SEMA3C: variants seen among roughly 807,000 people sequenced by gnomAD.
SEMA3C encodes the protein semaphorin-3C.
In SEMA3C, 47 loss-of-function variants were observed where a neutral mutation model predicts 89.4. The observed-to-expected ratio is 0.53, with a 90% CI of 0.42 to 0.67. SEMA3C has a LOEUF of 0.67. Among genes scored for constraint, SEMA3C ranks in the 30% least tolerant of loss-of-function variants. The pLI, the probability that SEMA3C is intolerant of heterozygous loss-of-function variation, is 0.00. For synonymous variants in SEMA3C, 310 were observed against 320.2 expected, an observed-to-expected ratio of 0.97 and a Z score of 0.34; for missense variants, 839 against 929.1, an observed-to-expected ratio of 0.90 and a Z score of 1.26.
chr7:80,807,421 C>A (rs1789367975), intron 6 of SEMA3C, among the ~76,000 whole-genome samples: 1 of 152,174 alleles, frequency 6.6e-6, no homozygotes, highest in Admixed American at 6.5e-5. Flanking sequence ...CATTTCCTAT[C>A]TTAAATTCGC....
chr7:80,896,373 G>A (rs1037902069), intron 2 of SEMA3C, among the ~76,000 whole-genome samples: 6 of 152,152 alleles, frequency 3.9e-5, no homozygotes, highest in Non-Finnish European at 8.8e-5. Context: ...AACTCTAGGA[G>A]TCCTTTCTCA....
intron 2 of SEMA3C, among the ~76,000 whole-genome samples, chr7:80,863,686 TAC>T (rs1248108817): frequency 1.3e-5 from 2 of 149,312 alleles, no homozygotes; most frequent in East Asian, 2.0e-4. Flanking sequence ...CACATATATA[TAC>T]ACACACATAT....
At chr7:80,851,501 CT>C (rs1296492057) in intron 2 of SEMA3C, among the ~76,000 whole-genome samples, 4 of 35,078 alleles carry the variant, frequency 1.1e-4, no homozygotes, top group Non-Finnish European at 2.0e-4. Flanking sequence ...AGACTCTTGT[CT>C]TTAAAAAAAA....
At chr7:80,773,153 T>C (rs1788471921) in intron 12 of SEMA3C, among the ~76,000 whole-genome samples, 2 of 152,160 alleles carry the variant, frequency 1.3e-5, no homozygotes, top group African/African-American at 2.4e-5. Flanking sequence ...GTTACAATTT[T>C]TTTTCTATTT....
intron 2 of SEMA3C, among the ~76,000 whole-genome samples, chr7:80,891,522 TAAC>T (rs1791613309): frequency 1.3e-5 from 2 of 151,150 alleles, no homozygotes; most frequent in Admixed American, 1.3e-4. Context: ...ATCAGAATGG[TAAC>T]AAAAAAAAAA....
At chr7:80,749,073 C>T (rs564822303) in intron 16 of SEMA3C, 45 bp from the exon 17 acceptor site, 2 of 1,547,516 alleles carry the variant, frequency 1.3e-6, no homozygotes, top group East Asian at 2.3e-5. Flanking sequence ...AAGAACACAA[C>T]TGAATTTAGA....
intron 2 of SEMA3C, among the ~76,000 whole-genome samples, chr7:80,892,471 G>A (rs1330100149): frequency 1.3e-5 from 2 of 151,716 alleles, no homozygotes; most frequent in South Asian, 2.1e-4. Flanking sequence ...TATATTGTCT[G>A]TAAAATGAAA....
At chr7:80,886,199 C>T (rs183318797) in intron 2 of SEMA3C, among the ~76,000 whole-genome samples, 101 of 151,742 alleles carry the variant, frequency 6.7e-4, no homozygotes, top group African/African-American at 2.3e-3. Context: ...CATATCAAGT[C>T]TACCTTTTTT....
rs767408064 is a variant in SEMA3C at position 80,803,485 on chromosome 7, A to AT, written c.801+620dup. On this transcript the variant is annotated intron_variant, in intron 8 of 17. Transcript: ENST00000265361. ...TTAAACACTAAGCACTTTAAGAAAC[A>AT]TTTTTTCACAAAGGATGCTAATCAT... Among the ~76,000 whole-genome samples, 21 of 152,238 alleles carry AT rather than the reference A, an allele frequency of 1.4e-4. No individual in the cohort carries two copies. The East Asian group carries it at 3.9e-3, about 28-fold the overall frequency.
At chr7:80,836,960 T>C (rs752495459) in intron 2 of SEMA3C, among the ~76,000 whole-genome samples, 4 of 152,186 alleles carry the variant, frequency 2.6e-5, no homozygotes, top group African/African-American at 4.8e-5. Flanking sequence ...TTACCTTGAA[T>C]GGTTTTCTAT....
intron 12 of SEMA3C, among the ~76,000 whole-genome samples, chr7:80,776,054 A>C (rs1788542338): frequency 6.6e-6 from 1 of 152,144 alleles, no homozygotes; most frequent in South Asian, 2.1e-4. Flanking sequence ...TTACTTTACT[A>C]AATCAGGATA....
intron 2 of SEMA3C, among the ~76,000 whole-genome samples, chr7:80,914,755 A>C (rs907695187): frequency 3.3e-5 from 5 of 152,190 alleles, no homozygotes; most frequent in Admixed American, 3.3e-4. Context: ...GTTACAAATC[A>C]AGGCAAGTCT....
chr7:80,842,368 T>C (rs547309329), intron 2 of SEMA3C, among the ~76,000 whole-genome samples: 2 of 152,290 alleles, frequency 1.3e-5, no homozygotes, highest in African/African-American at 4.8e-5. Context: ...TGTTGCACTT[T>C]GCTGTTTTTG....
chr7:80,895,263 CATGA>C (rs1317554256), intron 2 of SEMA3C, among the ~76,000 whole-genome samples: 2 of 152,070 alleles, frequency 1.3e-5, no homozygotes, highest in African/African-American at 2.4e-5. Flanking sequence ...AGCCTGTGGT[CATGA>C]ATAAGAGGAA....
At position 80,748,998 on chromosome 7, in the gene SEMA3C, T is replaced by C. The variant is rs1787863778; in HGVS notation, c.1742A>G (p.Tyr581Cys). The C allele has an allele frequency of 6.2e-7, 1 of 1,611,482 alleles. No individual in the cohort carries two copies. The highest frequency in any genetic ancestry group is 1.3e-5 in the African/African-American group (1 of 74,744). Residue 581 changes from tyrosine to cysteine, a missense_variant, in exon 17 of 18, where the codon TAT becomes TGT. By Grantham distance (194) the Tyr-to-Cys change is radical (BLOSUM62 -2). Transcript: ENST00000265361. ...AYRNAAEIVQ[Y>C]GVKNNTTFLE... ...AAAAGTGGTGTTATTTTTTACTCCA[T>C]ACTGGACAATTTCAGCTGCATTTCT...
chr7:80,886,201 AC>A (rs146427448), intron 2 of SEMA3C, among the ~76,000 whole-genome samples: 2,126 of 151,888 alleles, frequency 0.014, 48 homozygotes, highest in African/African-American at 0.049. Context: ...TATCAAGTCT[AC>A]CTTTTTTTTT....
intron 2 of SEMA3C, among the ~76,000 whole-genome samples, chr7:80,893,285 A>T (rs1791658785): frequency 6.6e-6 from 1 of 152,098 alleles, no homozygotes; most frequent in Non-Finnish European, 1.5e-5. Flanking sequence ...CTGAGTCTCC[A>T]CCATCAACAT....
chr7:80,895,790 G>A (rs1486081777), intron 2 of SEMA3C, among the ~76,000 whole-genome samples: 2 of 151,906 alleles, frequency 1.3e-5, no homozygotes, highest in Non-Finnish European at 2.9e-5. Flanking sequence ...ATATCTCTGG[G>A]ATCTGTAAAA....
chr7:80,877,454 C>A lies in SEMA3C; in HGVS notation c.103+39225G>T, dbSNP rs555438708. ...TCTCTAACTTCAGCAGAAACACTTT[C>A]CTTTATAGTGAAAAAAAAAATTAAT... On this transcript the variant is annotated intron_variant, in intron 2 of 17. Coordinates refer to ENST00000265361, the MANE Select transcript of SEMA3C (RefSeq NM_006379.5). Among the ~76,000 whole-genome samples the A allele has an allele frequency of 3.1e-3, 476 of 152,144 alleles. 2 individuals carry two copies. Among genetic ancestry groups the A allele is most frequent in the Non-Finnish European group, 5.2e-3 (356 of 67,996 alleles).
Sources: gnomAD v4.1 joint callset for allele counts (sites outside exome capture counted in the v4.1 genomes callset) on GRCh38, gnomAD v4.1.1 for gene constraint, MANE v1.5 for transcripts, NCBI Gene and HGNC (gene_info 2026-07-23, HGNC 2026-07-21) for gene names.